CSMD1: variants seen among roughly 807,000 people sequenced by gnomAD.
CSMD1 encodes CUB and Sushi multiple domains 1.
CSMD1 carries 213 observed loss-of-function variants against 417.5 expected under a neutral mutation model. The observed-to-expected ratio is 0.51, with a 90% CI of 0.46 to 0.57. The LOEUF (loss-of-function observed/expected upper bound fraction) is 0.57. CSMD1 is among the 20% of genes least tolerant of loss of function. The pLI, the probability that CSMD1 is intolerant of heterozygous loss-of-function variation, is 0.00. For synonymous variants in CSMD1, 2,862 were observed against 1,736.8 expected (o/e 1.65, Z -16.11); for missense variants, 6,923 against 4,529.7 (o/e 1.53, Z -15.17).
intron 2 of CSMD1, among the ~76,000 whole-genome samples, chr8:4,470,496 G>C (rs1255270755): frequency 1.3e-5 from 2 of 152,198 alleles, no homozygotes; most frequent in African/African-American, 2.4e-5. Context: ...AAGGATAAGT[G>C]CATCAAACAC....
At chr8:3,484,846 A>T (rs1817934401) in intron 11 of CSMD1, among the ~76,000 whole-genome samples, 1 of 152,230 alleles carries the variant, frequency 6.6e-6, no homozygotes, top group African/African-American at 2.4e-5. Flanking sequence ...ATTAGCCATC[A>T]GGAAAATGCA....
chr8:3,407,197 T>A (rs955885434), intron 14 of CSMD1, among the ~76,000 whole-genome samples: 1 of 147,918 alleles, frequency 6.8e-6, no homozygotes, highest in Non-Finnish European at 1.5e-5. Context: ...TATGGATGAA[T>A]GGATGGATGG....
At chr8:4,512,542 G>GA (rs551996928) in intron 2 of CSMD1, among the ~76,000 whole-genome samples, 6 of 151,594 alleles carry the variant, frequency 4.0e-5, no homozygotes, top group South Asian at 2.1e-4. Flanking sequence ...AAATAATTGA[G>GA]AAAAAAAATC....
intron 3 of CSMD1, among the ~76,000 whole-genome samples, chr8:4,253,662 G>T (rs959056974): frequency 2.0e-5 from 3 of 151,418 alleles, no homozygotes; most frequent in Non-Finnish European, 4.4e-5. Context: ...ACACACAATC[G>T]TTTGCAACAT....
chr8:3,597,454 G>C (rs541371442), intron 8 of CSMD1, among the ~76,000 whole-genome samples: 62 of 150,846 alleles, frequency 4.1e-4, no homozygotes, highest in Admixed American at 1.7e-3. Context: ...ACCTAGAGAA[G>C]TTATTTTCAG....
At chr8:4,484,322 G>T (rs556027145) in intron 2 of CSMD1, among the ~76,000 whole-genome samples, 8 of 152,004 alleles carry the variant, frequency 5.3e-5, no homozygotes, top group Non-Finnish European at 1.0e-4. Flanking sequence ...AAGTTATCTG[G>T]ATTTAAAAAA....
chr8:4,911,005 C>A (rs969031035), intron 1 of CSMD1, among the ~76,000 whole-genome samples: 1 of 152,138 alleles, frequency 6.6e-6, no homozygotes, highest in African/African-American at 2.4e-5. Flanking sequence ...AATTTCCCTA[C>A]AAAAACTCTC....
At chr8:4,074,846 G>GT (rs201647603) in intron 3 of CSMD1, among the ~76,000 whole-genome samples, 25 of 151,928 alleles carry the variant, frequency 1.6e-4, no homozygotes, top group Admixed American at 9.8e-4. Flanking sequence ...AATTTTCTGA[G>GT]TTTTTTTTCT....
intron 3 of CSMD1, among the ~76,000 whole-genome samples, chr8:4,075,593 T>C (rs1400700050): frequency 6.6e-6 from 1 of 152,208 alleles, no homozygotes; most frequent in African/African-American, 2.4e-5. Context: ...TTATTCCTTG[T>C]TCTGCATAGC....
At chr8:4,081,010 C>A (rs1057116005) in intron 3 of CSMD1, among the ~76,000 whole-genome samples, 2 of 152,126 alleles carry the variant, frequency 1.3e-5, no homozygotes, top group East Asian at 3.9e-4. Flanking sequence ...ATCCCCTTTT[C>A]GCCTTTGCCT....
chr8:3,660,895 A>G (rs760033574), intron 7 of CSMD1, among the ~76,000 whole-genome samples: 3 of 152,146 alleles, frequency 2.0e-5, no homozygotes, highest in Admixed American at 6.5e-5. Flanking sequence ...GATTTTTTGT[A>G]TACACAGCTG....
chr8:4,505,385 TA>T (rs1802465862), intron 2 of CSMD1, among the ~76,000 whole-genome samples: 1 of 152,186 alleles, frequency 6.6e-6, no homozygotes, highest in Admixed American at 6.5e-5. Flanking sequence ...AATAAATTTC[TA>T]AGATGATAAA....
intron 2 of CSMD1, among the ~76,000 whole-genome samples, chr8:4,608,113 T>C (rs1048683801): frequency 2.6e-5 from 4 of 152,124 alleles, no homozygotes; most frequent in South Asian, 4.1e-4. Flanking sequence ...AGGTGACCAG[T>C]GTCCCTGGTG....
At chr8:4,289,798 C>G (rs1563396820) in intron 3 of CSMD1, among the ~76,000 whole-genome samples, 1 of 152,132 alleles carries the variant, frequency 6.6e-6, no homozygotes, top group Admixed American at 6.5e-5. Flanking sequence ...AGGTATCCAC[C>G]TTTGTCTGCC....
At chr8:3,984,708 T>TTC (rs1814177042) in intron 5 of CSMD1, among the ~76,000 whole-genome samples, 2 of 12,440 alleles carry the variant, frequency 1.6e-4, no homozygotes, top group Non-Finnish European at 3.0e-4. Context: ...ATATATCATA[T>TTC]ATATATATAT....
chr8:3,959,065 G>A (rs1585035343), intron 5 of CSMD1, among the ~76,000 whole-genome samples: 1 of 152,128 alleles, frequency 6.6e-6, no homozygotes, highest in South Asian at 2.1e-4. Flanking sequence ...CCAGCACCAT[G>A]TTTCTCAAGC....
At chr8:4,428,947 G>C (rs998971202) in intron 2 of CSMD1, among the ~76,000 whole-genome samples, 1 of 151,956 alleles carries the variant, frequency 6.6e-6, no homozygotes, top group Non-Finnish European at 1.5e-5. Context: ...TTCCTGACTT[G>C]AAGTGATCCA....
chr8:4,338,816 T>C (rs768752711), intron 3 of CSMD1, among the ~76,000 whole-genome samples: 1 of 152,158 alleles, frequency 6.6e-6, no homozygotes, highest in South Asian at 2.1e-4. Flanking sequence ...ATTACTCTTG[T>C]GTTGCCTTAA....
At chr8:4,115,884 G>A (rs1041162915) in intron 3 of CSMD1, among the ~76,000 whole-genome samples, 6 of 152,046 alleles carry the variant, frequency 3.9e-5, no homozygotes, top group Non-Finnish European at 8.8e-5. Flanking sequence ...TGGGAAAACA[G>A]GAAGACAGAA....
Sources: gnomAD v4.1 joint callset for allele counts (sites outside exome capture counted in the v4.1 genomes callset) on GRCh38, gnomAD v4.1.1 for gene constraint, MANE v1.5 for transcripts, NCBI Gene and HGNC (gene_info 2026-07-23, HGNC 2026-07-21) for gene names.